Variants in C1orf87 observed in about 807,000 individuals in gnomAD.
The protein encoded by C1orf87 is chromosome 1 open reading frame 87.
A neutral mutation model predicts 60.5 loss-of-function variants in C1orf87; 58 were observed. The ratio of observed to expected loss-of-function variants is 0.96; its 90% CI spans 0.78 to 1.19. The LOEUF is 1.19. C1orf87 is among the 50% of genes most tolerant of loss of function. The probability of loss-of-function intolerance (pLI) is 0.00; values close to 1 mark genes in which losing one functional copy is unlikely to be tolerated. For missense variants in C1orf87, 673 were observed against 638.6 expected (o/e 1.05, Z -0.58); for synonymous variants, 236 against 227.4 (o/e 1.04, Z -0.34).
intron 2 of C1orf87, among the ~76,000 whole-genome samples, chr1:60,071,524 T>C (rs745541477): frequency 1.3e-5 from 2 of 152,230 alleles, no homozygotes; most frequent in Non-Finnish European, 2.9e-5. Context: ...CATTACTAAC[T>C]GATTATAGCA....
At chr1:59,997,966 A>G (rs1014648089) in intron 10 of C1orf87, 150 bp from the exon 11 acceptor site, 4 of 706,992 alleles carry the variant, frequency 5.7e-6, no homozygotes, top group Admixed American at 2.7e-5. Context: ...CTTCAGTGCC[A>G]TAAGATCATA....
At chr1:60,032,289 A>G (rs1007644451) in intron 7 of C1orf87, among the ~76,000 whole-genome samples, 1 of 152,154 alleles carries the variant, frequency 6.6e-6, no homozygotes, top group African/African-American at 2.4e-5. Context: ...ATTGAACTCA[A>G]TGGAATCATC....
intron 2 of C1orf87, among the ~76,000 whole-genome samples, chr1:60,062,493 A>G (rs1366779368): frequency 6.6e-6 from 1 of 152,196 alleles, no homozygotes; most frequent in Non-Finnish European, 1.5e-5. Flanking sequence ...AACACCTGCC[A>G]GCACTGGGTA....
chr1:59,996,897 G>A, intron 11 of C1orf87, among the ~76,000 whole-genome samples: 1 of 152,096 alleles, frequency 6.6e-6, no homozygotes, highest in East Asian at 1.9e-4. Context: ...ATAGTCTACT[G>A]GTGAGATAGT....
intron 8 of C1orf87, among the ~76,000 whole-genome samples, chr1:60,023,750 T>A (rs1211974887): frequency 1.3e-5 from 2 of 152,192 alleles, no homozygotes; most frequent in African/African-American, 4.8e-5. Context: ...CTCCAGGCTA[T>A]CCCATTACAT....
intron 9 of C1orf87, among the ~76,000 whole-genome samples, chr1:60,004,429 AT>A (rs2100247527): frequency 6.6e-6 from 1 of 152,150 alleles, no homozygotes; most frequent in Non-Finnish European, 1.5e-5. Context: ...ATTAATTATG[AT>A]GTCCCAGACA....
chr1:60,060,003 A>G (rs767693409), intron 2 of C1orf87, among the ~76,000 whole-genome samples: 1 of 152,150 alleles, frequency 6.6e-6, no homozygotes, highest in Non-Finnish European at 1.5e-5. Flanking sequence ...AAGCTCACCA[A>G]ACTCCACAGG....
intron 9 of C1orf87, among the ~76,000 whole-genome samples, chr1:60,002,274 C>T (rs1009865045): frequency 6.6e-6 from 1 of 152,084 alleles, no homozygotes; most frequent in Non-Finnish European, 1.5e-5. Flanking sequence ...TCCTTGCTAG[C>T]TGCATGACCT....
intron 10 of C1orf87, among the ~76,000 whole-genome samples, chr1:59,998,212 G>C (rs560408855): frequency 6.6e-6 from 1 of 152,146 alleles, no homozygotes; most frequent in South Asian, 2.1e-4. Context: ...TGAGTGTGAG[G>C]TTTTTGACAA....
chr1:59,998,799 AAG>A (rs1216235715), intron 10 of C1orf87, among the ~76,000 whole-genome samples: 1 of 152,144 alleles, frequency 6.6e-6, no homozygotes, highest in African/African-American at 2.4e-5. Flanking sequence ...TCTACTGAGA[AAG>A]AGAGAGAATA....
chr1:60,045,363 ATG>A (rs1645358714), intron 3 of C1orf87, among the ~76,000 whole-genome samples: 1 of 152,218 alleles, frequency 6.6e-6, no homozygotes, highest in African/African-American at 2.4e-5. Flanking sequence ...TATATGTAAT[ATG>A]TGATTTTAAA....
At chr1:59,993,220 TTAAATAAA>T (rs918756127) in intron 11 of C1orf87, among the ~76,000 whole-genome samples, 5 of 150,922 alleles carry the variant, frequency 3.3e-5, no homozygotes, top group African/African-American at 7.4e-5. Context: ...GGCCCCTGTC[TTAAATAAA>T]TAAATAAATA....
intron 9 of C1orf87, among the ~76,000 whole-genome samples, chr1:60,009,664 T>C (rs1421591586): frequency 1.4e-3 from 1 of 690 alleles, no homozygotes; most frequent in Admixed American, 0.045. Context: ...GCACATTCAG[T>C]ACTTTAATTT....
rs918975397 is a variant in C1orf87, at chr1:60,055,304, T to C, written c.242A>G (p.Asp81Gly). The C allele has an allele frequency of 6.2e-7, 1 of 1,614,162 alleles. No homozygotes were observed. Among genetic ancestry groups the C allele is most frequent in the Non-Finnish European group, 8.5e-7 (1 of 1,180,004 alleles). Residue 81 changes from aspartate (D) to glycine (G), a missense_variant, in exon 3 of 12, where the codon GAT (aspartate) becomes GGT (glycine). By Grantham distance (94) the Asp-to-Gly change is moderately conservative. Transcript: ENST00000371201. ...FTDQQTTDNP[D>G]DVKEKKHPEN... Reference sequence around the variant, plus strand: ...TGGGTGCTTTTTCTCTTTCACATCATCTGGATTATCAGTGGTTTGCTGATC... The same window carrying C: ...TGGGTGCTTTTTCTCTTTCACATCACCTGGATTATCAGTGGTTTGCTGATC...
At chr1:60,040,377 C>T (rs1359627902) in intron 4 of C1orf87, among the ~76,000 whole-genome samples, 197 bp from the exon 5 acceptor site, 1 of 152,230 alleles carries the variant, frequency 6.6e-6, no homozygotes, top group Admixed American at 6.5e-5. Flanking sequence ...CAGCTCTCTT[C>T]CTTCAGGAGA....
chr1:59,995,519 G>A (rs752842345), intron 11 of C1orf87, among the ~76,000 whole-genome samples: 12 of 152,106 alleles, frequency 7.9e-5, no homozygotes, highest in East Asian at 1.9e-4. Context: ...CTTGGTACTC[G>A]CTTCTCCATC....
chr1:60,065,673 T>A (rs546071082), intron 2 of C1orf87, among the ~76,000 whole-genome samples: 4 of 152,152 alleles, frequency 2.6e-5, no homozygotes, highest in Non-Finnish European at 5.9e-5. Context: ...ATTCCATATA[T>A]ACATTAATTT....
chr1:60,004,659 G>A (rs1229123096), intron 9 of C1orf87, among the ~76,000 whole-genome samples: 2 of 151,870 alleles, frequency 1.3e-5, no homozygotes, highest in Admixed American at 1.3e-4. Flanking sequence ...AAAATTGTTT[G>A]AAAAACCTGA....
chr1:60,030,913 T>A (rs1645233631), intron 7 of C1orf87, among the ~76,000 whole-genome samples: 1 of 152,254 alleles, frequency 6.6e-6, no homozygotes, highest in Non-Finnish European at 1.5e-5. Flanking sequence ...CCATTGATTT[T>A]AGTGACAAGA....
Sources: allele counts gnomAD v4.1 joint callset (sites outside exome capture counted in the v4.1 genomes callset), GRCh38; gene constraint gnomAD v4.1.1; transcripts MANE v1.5; gene names NCBI Gene and HGNC (gene_info 2026-07-23, HGNC 2026-07-21).